ADCY1: variants seen among roughly 807,000 people sequenced by gnomAD.
The protein encoded by ADCY1 is adenylate cyclase type 1.
In ADCY1, 28 loss-of-function variants were observed where a neutral mutation model predicts 105.4. The ratio of observed to expected loss-of-function variants is 0.27; its 90% CI spans 0.20 to 0.36. The LOEUF is 0.36. Ranked by LOEUF, ADCY1 falls within the 10% of genes least tolerant of loss-of-function variation. The pLI is 1.00. For missense variants in ADCY1, 977 were observed against 1,434.2 expected, an observed-to-expected ratio of 0.68 and a Z score of 5.15; for synonymous variants, 655 against 623.8, an observed-to-expected ratio of 1.05 and a Z score of -0.75.
At chr7:45,707,812 T>A (rs189769410) in intron 17 of ADCY1, among the ~76,000 whole-genome samples, 3 of 152,268 alleles carry the variant, frequency 2.0e-5, no homozygotes, top group South Asian at 2.1e-4. Context: ...AACCTAAAAT[T>A]GCCCTAAAAA....
intron 14 of ADCY1, among the ~76,000 whole-genome samples, chr7:45,688,316 C>G (rs1784726765): frequency 2.0e-5 from 3 of 152,204 alleles, no homozygotes; most frequent in Admixed American, 2.0e-4. Context: ...ATGTCGTTGG[C>G]CACGGGCCTT....
intron 5 of ADCY1, among the ~76,000 whole-genome samples, chr7:45,654,104 G>A (rs575678179): frequency 2.0e-5 from 3 of 152,316 alleles, no homozygotes; most frequent in Non-Finnish European, 2.9e-5. Context: ...TCTAGCAGCC[G>A]CTGCAAGTAT....
intron 11 of ADCY1, 31 bp downstream of exon 11, chr7:45,679,824 A>G (rs754851406): frequency 2.5e-6 from 4 of 1,608,976 alleles, no homozygotes; most frequent in East Asian, 2.2e-5. Flanking sequence ...CTGTACCTGC[A>G]TATCACCTGG....
chr7:45,631,664 A>G (rs1386805270), intron 4 of ADCY1, among the ~76,000 whole-genome samples: 1 of 152,260 alleles, frequency 6.6e-6, no homozygotes, highest in Non-Finnish European at 1.5e-5. Context: ...AGGTGAAAAC[A>G]CAACATAGTG....
At chr7:45,581,710 G>T (rs1042959481) in intron 1 of ADCY1, among the ~76,000 whole-genome samples, 1 of 152,158 alleles carries the variant, frequency 6.6e-6, no homozygotes, top group Non-Finnish European at 1.5e-5. Flanking sequence ...ACCCTGAGGG[G>T]CTGAGCAAGG....
At chr7:45,584,546 C>T (rs1329198300) in intron 1 of ADCY1, among the ~76,000 whole-genome samples, 1 of 152,260 alleles carries the variant, frequency 6.6e-6, no homozygotes, top group Non-Finnish European at 1.5e-5. Flanking sequence ...CTCTTGCCCA[C>T]TAGCCCTAAG....
chr7:45,637,392 T>C lies in ADCY1; in HGVS notation c.1021-11278T>C, dbSNP rs184544026. 4.3e-4 allele frequency among the ~76,000 whole-genome samples: 66 copies of C among 152,374 alleles called. 1 individual carries two copies. The highest frequency in any genetic ancestry group is 1.6e-3 in the African/African-American group (66 of 41,586). On this transcript the variant is annotated intron_variant, in intron 4 of 19. Coordinates refer to ENST00000297323, the MANE Select transcript of ADCY1 (RefSeq NM_021116.4). ...ACTATTTCCTTTGCTTTTCATTCAT[T>C]TATGCAGTCTATTTCTTTGTGTTTT...
At chr7:45,673,610 T>TTATTTTTTTTGCA (rs1784401624) in intron 8 of ADCY1, among the ~76,000 whole-genome samples, 2 of 152,160 alleles carry the variant, frequency 1.3e-5, no homozygotes, top group Non-Finnish European at 2.9e-5. Flanking sequence ...GCAGAGTATG[T>TTATTTTTTTTGCA]AGTAAAATTT....
At chr7:45,606,796 T>C (rs1331745514) in intron 2 of ADCY1, among the ~76,000 whole-genome samples, 1 of 152,260 alleles carries the variant, frequency 6.6e-6, no homozygotes, top group African/African-American at 2.4e-5. Context: ...ATAGCCTTTA[T>C]AGGACACTGA....
chr7:45,625,318 G>A (rs992924720), intron 4 of ADCY1, among the ~76,000 whole-genome samples: 2 of 152,224 alleles, frequency 1.3e-5, no homozygotes, highest in African/African-American at 2.4e-5. Context: ...TCATGCCTGG[G>A]ATGCTGGCTT....
At chr7:45,637,610 A>G (rs2116008080) in intron 4 of ADCY1, among the ~76,000 whole-genome samples, 1 of 152,236 alleles carries the variant, frequency 6.6e-6, no homozygotes, top group African/African-American at 2.4e-5. Flanking sequence ...CTGTAGTCCT[A>G]CTTATTTGGG....
rs1290074355 is a variant in ADCY1, at chr7:45,657,900, G to T, written c.1307+15G>T. 23 of 1,579,978 alleles carry T rather than the reference G, an allele frequency of 1.5e-5. No individual in the cohort carries two copies. The highest frequency in any genetic ancestry group is 1.6e-5 in the Non-Finnish European group (19 of 1,157,398). ...GGCCTGCCAGGGTAAGTCGGGGATG[G>T]GGTGGGGAGGGGAGGGAGGTGGGTG... On this transcript the variant is annotated intron_variant, in intron 6 of 19. Coordinates refer to ENST00000297323, the MANE Select transcript of ADCY1 (RefSeq NM_021116.4).
chr7:45,701,729 C>T lies in ADCY1; in HGVS notation c.2455-1647C>T, dbSNP rs1296241203. ...TGAGAACTTGAGTTGAAAGCAGCCC[C>T]GGAGACCATCTGAGGCTGGAAATTG... On this transcript the variant is annotated intron_variant, in intron 14 of 19. Transcript: ENST00000297323. Among the ~76,000 whole-genome samples, 7 of 152,204 alleles carry T rather than the reference C, an allele frequency of 4.6e-5. No homozygotes were observed. The East Asian group carries it at 5.8e-4, about 13-fold the overall frequency.
At chr7:45,611,274 C>T (rs1481308554) in intron 3 of ADCY1, among the ~76,000 whole-genome samples, 1 of 151,816 alleles carries the variant, frequency 6.6e-6, no homozygotes, top group Non-Finnish European at 1.5e-5. Context: ...TGGACATCTG[C>T]CTAGCAGGGA....
At chr7:45,594,041 G>A (rs1323838100) in intron 2 of ADCY1, among the ~76,000 whole-genome samples, 1 of 152,200 alleles carries the variant, frequency 6.6e-6, no homozygotes, top group Non-Finnish European at 1.5e-5. Context: ...ATGTGTGCAT[G>A]TGTGTCTGTG....
Position 45,678,163 on chromosome 7 carries a change from C to T in ADCY1, c.1801-3C>T, listed in dbSNP as rs775526929. On this transcript the variant is annotated splice_region_variant and splice_polypyrimidine_tract_variant and intron_variant, in intron 9 of 19. Transcript: ENST00000297323. ...CTGATGGATTGACTTCTCTCTTACA[C>T]AGTACCACCAGCTTCAGGACGAGTA... is the stretch of plus-strand genomic sequence containing the variant. The T allele has an allele frequency of 3.1e-6, 5 of 1,614,086 alleles. No homozygotes were observed. Among genetic ancestry groups the T allele is most frequent in the South Asian group, 2.2e-5 (2 of 91,082 alleles).
At position 45,622,475 on chromosome 7, in the gene ADCY1, G is replaced by C. The variant is rs533521383; in HGVS notation, c.909-157G>C. 6.6e-5 allele frequency among the ~76,000 whole-genome samples: 10 copies of C among 152,290 alleles called. No individual in the cohort carries two copies. The South Asian group carries it at 1.2e-3, about 19-fold the overall frequency. ...TGAGCCTCAGTCTTCTCACCTGTATGATGGGAACCAGGAAGCCTTCATTTC... is the reference window on the plus strand; with the variant it reads ...TGAGCCTCAGTCTTCTCACCTGTATCATGGGAACCAGGAAGCCTTCATTTC... On this transcript the variant is annotated intron_variant, in intron 3 of 19. Coordinates refer to ENST00000297323, the MANE Select transcript of ADCY1 (RefSeq NM_021116.4).
At chr7:45,634,366 T>C (rs969453221) in intron 4 of ADCY1, among the ~76,000 whole-genome samples, 1 of 152,034 alleles carries the variant, frequency 6.6e-6, no homozygotes, top group Non-Finnish European at 1.5e-5. Flanking sequence ...ACCAGTTGGA[T>C]TTTTTGTGGA....
chr7:45,630,800 A>G (rs1456276053), intron 4 of ADCY1, among the ~76,000 whole-genome samples: 2 of 152,176 alleles, frequency 1.3e-5, no homozygotes, highest in Non-Finnish European at 2.9e-5. Flanking sequence ...TTATTACATT[A>G]GAAAGATCTT....
Sources: allele counts gnomAD v4.1 joint callset (sites outside exome capture counted in the v4.1 genomes callset), GRCh38; gene constraint gnomAD v4.1.1; transcripts MANE v1.5; gene names NCBI Gene and HGNC (gene_info 2026-07-23, HGNC 2026-07-21).